CD55: variants seen among roughly 807,000 people sequenced by gnomAD.
CD55 encodes CD55 molecule (Cromer blood group).
CD55 carries 41 observed loss-of-function variants against 45.8 expected under a neutral mutation model. That is an observed-to-expected ratio of 0.90 (90% CI 0.70 to 1.16). The LOEUF (loss-of-function observed/expected upper bound fraction) is 1.16. Ranked by LOEUF, CD55 falls within the 50% of genes most tolerant of loss-of-function variation. The pLI, the probability that CD55 is intolerant of heterozygous loss-of-function variation, is 0.00. For synonymous variants in CD55, 181 were observed against 181.1 expected, an observed-to-expected ratio of 1.00 and a Z score of 0.01; for missense variants, 416 against 469.8, an observed-to-expected ratio of 0.89 and a Z score of 1.06.
In CD55 at chr1:207,324,706, G is replaced by C; in HGVS notation, c.434G>C (p.Cys145Ser). 2 of 1,613,198 alleles carry C rather than the reference G, an allele frequency of 1.2e-6. No individual in the cohort carries two copies. The highest frequency in any genetic ancestry group is 1.7e-6 in the Non-Finnish European group (2 of 1,179,646). ...CCTTCTCTATCACCAAAACTAACTT[G>C]CCTTCAGAATTTAAAATGGTCCACA... is the stretch of plus-strand genomic sequence containing the variant. ...REPSLSPKLT[C>S]LQNLKWSTAV... Residue 145 changes from cysteine to serine, a missense_variant, in exon 3 of 10, where the codon TGC becomes TCC. Around this residue, in one of 3 missense-constraint regions of CD55, gnomAD observed 111 missense variants for 163.4 expected, o/e 0.68. Transcript: ENST00000367064.
Position 207,360,729 on chromosome 1 carries a change from T to A in CD55, c.*1119T>A, listed in dbSNP as rs1428342314. ...CTGATTTACCTGAAGGCAATCTGATTAATTTCTAGGTTTTTACCATATTCT... is the reference window on the plus strand; with the variant it reads ...CTGATTTACCTGAAGGCAATCTGATAAATTTCTAGGTTTTTACCATATTCT... On this transcript the variant is annotated 3_prime_UTR_variant, in exon 10 of 10. Coordinates refer to ENST00000367064, the MANE Select transcript of CD55 (RefSeq NM_000574.5). 6.6e-6 allele frequency: 1 copy of A among 152,194 alleles called. No individual in the cohort carries two copies. Among genetic ancestry groups the A allele is most frequent in the Non-Finnish European group, 1.5e-5 (1 of 68,026 alleles). The allele number at this position is 152,194 out of a possible 1,614,324, so 9.4% of individuals were successfully genotyped here.
intron 8 of CD55, chr1:207,337,805 T>C: frequency 6.3e-6 from 1 of 159,822 alleles, no homozygotes; most frequent in East Asian, 1.8e-4. Flanking sequence ...CAAAGTATGC[T>C]AAGGAATCTT....
intron 9 of CD55, among the ~76,000 whole-genome samples, chr1:207,349,137 T>A (rs1332632967): frequency 6.6e-6 from 1 of 152,160 alleles, no homozygotes; most frequent in Non-Finnish European, 1.5e-5. Flanking sequence ...TAGCATTGGA[T>A]CTATAAATTG....
At chr1:207,329,587 G>A (rs1162894771) in intron 5 of CD55, among the ~76,000 whole-genome samples, 1 of 152,008 alleles carries the variant, frequency 6.6e-6, no homozygotes, top group African/African-American at 2.4e-5. Context: ...CATGCAAACT[G>A]CTGTGGTTTC....
At chr1:207,340,555 A>G (rs1655380274) in intron 9 of CD55, 1 of 698,580 alleles carries the variant, frequency 1.4e-6, no homozygotes, top group East Asian at 2.7e-5. Context: ...TATTTTTTGT[A>G]GAGACAGGAT....
intron 9 of CD55, among the ~76,000 whole-genome samples, chr1:207,342,288 A>G (rs1375948176): frequency 1.3e-5 from 2 of 152,128 alleles, no homozygotes; most frequent in Non-Finnish European, 2.9e-5. Context: ...TATGAGCCAA[A>G]TGAAACTTGG....
intron 9 of CD55, chr1:207,354,362 C>A: frequency 2.3e-6 from 1 of 430,712 alleles, no homozygotes; most frequent in Non-Finnish European, 3.1e-6. Flanking sequence ...ATTTGTTAAA[C>A]ACTTTCTACT....
chr1:207,331,371 GA>G, intron 6 of CD55, 75 bp downstream of exon 6: 1 of 1,147,216 alleles, frequency 8.7e-7, no homozygotes, highest in Non-Finnish European at 1.3e-6. Flanking sequence ...GACATTCAAT[GA>G]ACCCCCTAAG....
intron 9 of CD55, chr1:207,354,075 C>CTCTA: frequency 6.5e-7 from 1 of 1,533,418 alleles, no homozygotes; most frequent in Non-Finnish European, 8.7e-7. Flanking sequence ...GATGTGCATC[C>CTCTA]TCTAGGTCAC....
intron 4 of CD55, among the ~76,000 whole-genome samples, 161 bp from the exon 5 acceptor site, chr1:207,326,591 T>A (rs1654692929): frequency 6.6e-6 from 1 of 152,230 alleles, no homozygotes; most frequent in Non-Finnish European, 1.5e-5. Context: ...TTAAACTTAA[T>A]TTTTCTTTTC....
rs527604156 is a variant in CD55, at chr1:207,360,340, C to T, written c.*730C>T. ...ATATATTATTTCTGAATCGAGATGT[C>T]CATAGTCAAATTTGTAAATCTTATT... On this transcript the variant is annotated 3_prime_UTR_variant, in exon 10 of 10. Transcript: ENST00000367064. The T allele has an allele frequency of 4.6e-5, 7 of 152,158 alleles. No homozygotes were observed. The South Asian group carries it at 1.0e-3, about 23-fold the overall frequency. The allele number at this position is 152,158 out of a possible 1,614,324, so 9.4% of individuals were successfully genotyped here. A position where few individuals can be genotyped will look rare whatever the true frequency, so the allele number is the denominator to read the frequency against.
intron 9 of CD55, among the ~76,000 whole-genome samples, chr1:207,348,704 T>A (rs1204092998): frequency 6.6e-6 from 1 of 152,216 alleles, no homozygotes; most frequent in Admixed American, 6.5e-5. Flanking sequence ...TACTTTTAGG[T>A]TTTAAGTTTA....
At chr1:207,339,513 A>C in intron 9 of CD55, 96 bp downstream of exon 9, 1 of 971,760 alleles carries the variant, frequency 1.0e-6, no homozygotes, top group Non-Finnish European at 1.6e-6. Flanking sequence ...TTGTTTTTAA[A>C]AAAATGTATC....
At chr1:207,328,549 C>CA (rs1301915390) in intron 5 of CD55, among the ~76,000 whole-genome samples, 2 of 152,322 alleles carry the variant, frequency 1.3e-5, no homozygotes, top group Non-Finnish European at 2.9e-5. Context: ...ATACAGAAAA[C>CA]AGAGGTGCTG....
intron 9 of CD55, among the ~76,000 whole-genome samples, chr1:207,344,279 A>T (rs1428963738): frequency 1.3e-5 from 2 of 152,094 alleles, no homozygotes; most frequent in Non-Finnish European, 2.9e-5. Context: ...ATAACATTTT[A>T]GTCTTTTCTC....
chr1:207,354,218 T>C (rs1346186446), intron 9 of CD55: 1 of 1,287,572 alleles, frequency 7.8e-7, no homozygotes, highest in Non-Finnish European at 9.9e-7. Context: ...TTATTGAAAA[T>C]ATTTCAAACA....
chr1:207,328,147 C>T (rs569676443), intron 5 of CD55, among the ~76,000 whole-genome samples: 1 of 152,268 alleles, frequency 6.6e-6, no homozygotes, highest in South Asian at 2.1e-4. Context: ...ACATCTAGGC[C>T]ACAGCCTTGC....
At chr1:207,321,965 G>C (rs1654428838) in intron 1 of CD55, 100 bp downstream of exon 1, 1 of 831,802 alleles carries the variant, frequency 1.2e-6, no homozygotes, top group African/African-American at 1.7e-5. Flanking sequence ...GGCAGGTGGG[G>C]AGCTTGGCCC....
intron 4 of CD55, among the ~76,000 whole-genome samples, chr1:207,326,023 T>G (rs1209482893): frequency 8.0e-6 from 1 of 124,934 alleles, no homozygotes; most frequent in African/African-American, 3.2e-5. Context: ...TGCAGAAATC[T>G]TCAAATGTTA....
Sources: gnomAD v4.1 joint callset for allele counts (sites outside exome capture counted in the v4.1 genomes callset) on GRCh38, gnomAD v4.1.1 for gene constraint, gnomAD v4.1.1 regional missense constraint, MANE v1.5 for transcripts, NCBI Gene and HGNC (gene_info 2026-07-23, HGNC 2026-07-21) for gene names.